NCKAP5: variants seen among roughly 807,000 people sequenced by gnomAD.
NCKAP5 encodes the protein NCK associated protein 5.
Under a neutral mutation model 167.0 loss-of-function variants are expected in NCKAP5, and 92 were observed. The observed-to-expected ratio is 0.55, with a 90% CI of 0.47 to 0.66. The LOEUF (loss-of-function observed/expected upper bound fraction) is 0.66. Ranked by LOEUF, NCKAP5 falls within the 30% of genes least tolerant of loss-of-function variation. The pLI, the probability that NCKAP5 is intolerant of heterozygous loss-of-function variation, is 0.00. For synonymous variants in NCKAP5, 891 were observed against 877.4 expected (o/e 1.02, Z -0.27); for missense variants, 2,378 against 2,315.0 (o/e 1.03, Z -0.56).
intron 16 of NCKAP5, among the ~76,000 whole-genome samples, chr2:132,745,171 T>C (rs1313884773): frequency 1.3e-5 from 2 of 151,472 alleles, no homozygotes; most frequent in African/African-American, 4.8e-5. Flanking sequence ...AAAATAGAGA[T>C]CAATATAACT....
intron 3 of NCKAP5, among the ~76,000 whole-genome samples, chr2:133,423,031 C>T (rs1314458494): frequency 6.6e-6 from 1 of 152,164 alleles, no homozygotes; most frequent in Non-Finnish European, 1.5e-5. Flanking sequence ...GATCTCAATA[C>T]ATCTAATTTG....
At chr2:133,300,583 T>G (rs1442117258) in intron 4 of NCKAP5, among the ~76,000 whole-genome samples, 225 of 138,824 alleles carry the variant, frequency 1.6e-3, no homozygotes, top group Middle Eastern at 3.5e-3. Context: ...CAACAACCCT[T>G]CATGCTAAAA....
chr2:132,683,107 T>C (rs1685459007), intron 19 of NCKAP5, among the ~76,000 whole-genome samples: 2 of 151,764 alleles, frequency 1.3e-5, no homozygotes, highest in African/African-American at 4.8e-5. Context: ...TGGTTTCGAA[T>C]ACCTGACCTC....
At chr2:133,012,597 C>T (rs549597004) in intron 6 of NCKAP5, among the ~76,000 whole-genome samples, 10 of 152,232 alleles carry the variant, frequency 6.6e-5, no homozygotes, top group Non-Finnish European at 1.0e-4. Context: ...CTGCATCTTT[C>T]TGGTTATGTA....
chr2:133,620,770 A>T, the NCKAP5 span, among the ~76,000 whole-genome samples: 9 of 152,282 alleles, frequency 5.9e-5, no homozygotes, highest in African/African-American at 2.2e-4. Context: ...GAACAAATGA[A>T]CTTAACAGAT....
At chr2:132,915,241 ACAGTG>A (rs1694775096) in intron 8 of NCKAP5, among the ~76,000 whole-genome samples, 1 of 151,998 alleles carries the variant, frequency 6.6e-6, no homozygotes, top group Admixed American at 6.6e-5. Flanking sequence ...TGAATGGTGA[ACAGTG>A]GCATACTGTG....
At position 133,214,331 on chromosome 2, in the gene NCKAP5, G is replaced by C. The variant is rs561752741; in HGVS notation, c.144-552C>G. Among the ~76,000 whole-genome samples, 224 of 152,212 alleles carry C rather than the reference G, an allele frequency of 1.5e-3. 1 individual carries two copies. The highest frequency in any genetic ancestry group is 4.5e-3 in the African/African-American group (188 of 41,550). On this transcript the variant is annotated intron_variant, in intron 4 of 19. Coordinates refer to ENST00000409261, the MANE Select transcript of NCKAP5 (RefSeq NM_207363.3). ...TCATTATGCCCATTTTATAGATGAAGAAACTGAGGCCCAAAAAGGCTAATA... is the reference window on the plus strand; with the variant it reads ...TCATTATGCCCATTTTATAGATGAACAAACTGAGGCCCAAAAAGGCTAATA...
At chr2:132,844,660 C>T (rs1464583062) in intron 11 of NCKAP5, among the ~76,000 whole-genome samples, 1 of 152,092 alleles carries the variant, frequency 6.6e-6, no homozygotes, top group Non-Finnish European at 1.5e-5. Context: ...CTTGATAATA[C>T]TGGATAGCAC....
chr2:132,829,995 A>C (rs1687404327), intron 11 of NCKAP5, among the ~76,000 whole-genome samples: 1 of 152,020 alleles, frequency 6.6e-6, no homozygotes, highest in Non-Finnish European at 1.5e-5. Flanking sequence ...AGTGATGTTG[A>C]CTTTCCCCCT....
chr2:133,653,101 C>G, the NCKAP5 span, among the ~76,000 whole-genome samples: 4 of 152,158 alleles, frequency 2.6e-5, no homozygotes, highest in African/African-American at 9.7e-5. Context: ...TAGTCCATGA[C>G]CTGTCCTGAG....
chr2:132,892,839 C>A (rs1317434398), intron 8 of NCKAP5, among the ~76,000 whole-genome samples: 3 of 151,804 alleles, frequency 2.0e-5, no homozygotes, highest in African/African-American at 7.3e-5. Context: ...TAATACAGTA[C>A]TTTGAAGAAA....
intron 3 of NCKAP5, among the ~76,000 whole-genome samples, chr2:133,432,340 C>A (rs1468116494): frequency 6.6e-6 from 1 of 152,134 alleles, no homozygotes. Context: ...AATGCTGATA[C>A]CCTAAACATT....
At chr2:133,242,835 G>A (rs1324086222) in intron 4 of NCKAP5, among the ~76,000 whole-genome samples, 1 of 152,134 alleles carries the variant, frequency 6.6e-6, no homozygotes, top group Non-Finnish European at 1.5e-5. Flanking sequence ...GCACTACCGG[G>A]AAAGTTTTTT....
chr2:133,520,896 T>G (rs1015447024), intron 2 of NCKAP5, among the ~76,000 whole-genome samples: 3 of 152,208 alleles, frequency 2.0e-5, no homozygotes, highest in Admixed American at 6.5e-5. Context: ...GCGGTACAGT[T>G]AGAGCAGTGT....
chr2:132,801,539 C>T (rs567995696), intron 11 of NCKAP5, among the ~76,000 whole-genome samples: 52 of 152,298 alleles, frequency 3.4e-4, no homozygotes, highest in Non-Finnish European at 6.2e-4. Context: ...AGGAAAGAGA[C>T]CTGCTTTCTG....
chr2:133,109,811 A>C (rs2081849246), intron 6 of NCKAP5, among the ~76,000 whole-genome samples: 1 of 152,190 alleles, frequency 6.6e-6, no homozygotes, highest in South Asian at 2.1e-4. Context: ...TTTCCACTCA[A>C]ATACATTAGG....
intron 6 of NCKAP5, chr2:133,118,466 G>A (rs1296189097): frequency 2.0e-5 from 3 of 152,016 alleles, no homozygotes; most frequent in Non-Finnish European, 4.4e-5. Flanking sequence ...GTTATTAAAC[G>A]GTAGATTCAA....
chr2:133,590,878 T>A, the NCKAP5 span, among the ~76,000 whole-genome samples: 1 of 149,494 alleles, frequency 6.7e-6, no homozygotes, highest in Non-Finnish European at 1.5e-5. Context: ...GTAAATGTGA[T>A]GGTGAGAGTA....
At chr2:132,859,936 A>G (rs1230856330) in intron 11 of NCKAP5, among the ~76,000 whole-genome samples, 1 of 152,040 alleles carries the variant, frequency 6.6e-6, no homozygotes, top group African/African-American at 2.4e-5. Flanking sequence ...ACAGCTTTCC[A>G]TGTTATGAAG....
Sources: allele counts gnomAD v4.1 joint callset (sites outside exome capture counted in the v4.1 genomes callset), GRCh38; gene constraint gnomAD v4.1.1; transcripts MANE v1.5; gene names NCBI Gene and HGNC (gene_info 2026-07-23, HGNC 2026-07-21).